The following PPP1CC variants were observed in gnomAD, a reference collection of about 807,000 sequenced individuals.
The protein encoded by PPP1CC is protein phosphatase 1 catalytic subunit gamma, also known as serine/threonine-protein phosphatase PP1-gamma catalytic subunit.
In PPP1CC, 16 loss-of-function variants were observed where a neutral mutation model predicts 38.4. The observed-to-expected ratio is 0.42, with a 90% confidence interval of 0.28 to 0.63. The LOEUF is 0.63. Among genes scored for constraint, PPP1CC ranks in the 30% least tolerant of loss-of-function variants. The pLI is 0.25. For missense variants in PPP1CC, 170 were observed against 391.3 expected, an observed-to-expected ratio of 0.43 and a Z score of 4.77; for synonymous variants, 158 against 136.0, an observed-to-expected ratio of 1.16 and a Z score of -1.13.
At chr12:110,723,542 C>T (rs1289558638) in intron 4 of PPP1CC, among the ~76,000 whole-genome samples, 1 of 152,164 alleles carries the variant, frequency 6.6e-6, no homozygotes, top group Non-Finnish European at 1.5e-5. Flanking sequence ...TAGGGTCTTG[C>T]TCTGTTGCCT....
the PPP1CC span, among the ~76,000 whole-genome samples, chr12:110,710,545 C>T: frequency 1.3e-5 from 2 of 151,112 alleles, no homozygotes; most frequent in East Asian, 1.9e-4. Flanking sequence ...GGTGAAACCC[C>T]ATCTCTACTA....
chr12:110,734,287 A>G (rs534437542), intron 1 of PPP1CC, among the ~76,000 whole-genome samples: 6 of 152,222 alleles, frequency 3.9e-5, no homozygotes, highest in East Asian at 1.9e-4. Flanking sequence ...TGAAATCTGG[A>G]TAAGTCTTTA....
At chr12:110,710,450 G>T in the PPP1CC span, among the ~76,000 whole-genome samples, 11 of 147,960 alleles carry the variant, frequency 7.4e-5, no homozygotes, top group African/African-American at 2.6e-4. Flanking sequence ...TGGGTGCGGT[G>T]GCTCACACCT....
At chr12:110,731,604 A>G (rs2069872983) in intron 2 of PPP1CC, among the ~76,000 whole-genome samples, 166 bp downstream of exon 2, 1 of 152,154 alleles carries the variant, frequency 6.6e-6, no homozygotes, top group Admixed American at 6.5e-5. Context: ...AACTAAGTCC[A>G]TTAGAGGTAT....
At chr12:110,732,243 A>G in intron 1 of PPP1CC, 1 of 382,012 alleles carries the variant, frequency 2.6e-6, no homozygotes, top group Non-Finnish European at 4.7e-6. Context: ...GATCATGATG[A>G]GGTCAAGAGA....
the PPP1CC span, among the ~76,000 whole-genome samples, chr12:110,708,713 G>A: frequency 6.6e-6 from 1 of 152,026 alleles, no homozygotes; most frequent in Non-Finnish European, 1.5e-5. Context: ...GCCGGGCATG[G>A]TGGCAGACAC....
chr12:110,732,213 T>A, intron 1 of PPP1CC: 1 of 438,990 alleles, frequency 2.3e-6, no homozygotes, highest in South Asian at 4.7e-5. Context: ...TCCCAGCACT[T>A]TGGGAGGGTG....
chr12:110,709,282 T>A, the PPP1CC span, among the ~76,000 whole-genome samples: 1 of 151,928 alleles, frequency 6.6e-6, no homozygotes, highest in Non-Finnish European at 1.5e-5. Context: ...CAGGCTGGAG[T>A]GCAGTATCGC....
At chr12:110,719,428 C>T (rs1362507355), downstream of PPP1CC, among the ~76,000 whole-genome samples, 2 of 152,196 alleles carry the variant, frequency 1.3e-5, no homozygotes, top group African/African-American at 4.8e-5. Context: ...ATGACATGCT[C>T]TTCACTCATT....
chr12:110,727,612 T>TAAAAAAAAAAA (rs60861001), intron 3 of PPP1CC, among the ~76,000 whole-genome samples: 1 of 133,406 alleles, frequency 7.5e-6, no homozygotes, highest in African/African-American at 2.7e-5. Flanking sequence ...TTTACAAAGT[T>TAAAAAAAAAAA]AAAAAAAAAA....
At chr12:110,731,427 C>G (rs1171571418) in intron 2 of PPP1CC, among the ~76,000 whole-genome samples, 1 of 152,110 alleles carries the variant, frequency 6.6e-6, no homozygotes, top group African/African-American at 2.4e-5. Context: ...CAAGGAAGTT[C>G]TATTTTTAGC....
At chr12:110,710,435 T>TTTTTGTTTTGAAAAACAAAAATA in the PPP1CC span, among the ~76,000 whole-genome samples, 1 of 137,740 alleles carries the variant, frequency 7.3e-6, no homozygotes, top group Admixed American at 7.0e-5. Context: ...AAACAAAAAT[T>TTTTTGTTTTGAAAAACAAAAATA]AGGCTGGGTG....
intron 3 of PPP1CC, chr12:110,725,479 C>A (rs180825348): frequency 6.6e-6 from 1 of 152,506 alleles, no homozygotes; most frequent in East Asian, 1.9e-4. Flanking sequence ...ACAGGCACTA[C>A]AGGGCATTTG....
At chr12:110,719,239 G>A (rs1227111699), downstream of PPP1CC, among the ~76,000 whole-genome samples, 1 of 152,070 alleles carries the variant, frequency 6.6e-6, no homozygotes, top group Non-Finnish European at 1.5e-5. Flanking sequence ...AGGTAATGAG[G>A]TCCCCCTTCC....
chr12:110,725,004 G>A, intron 3 of PPP1CC: 1 of 304,524 alleles, frequency 3.3e-6, no homozygotes, highest in Non-Finnish European at 6.3e-6. Context: ...TAGGAGGATG[G>A]CTTGAGCCCA....
intron 6 of PPP1CC, 73 bp from the exon 7 acceptor site, chr12:110,721,238 C>T: frequency 7.6e-7 from 1 of 1,314,328 alleles, no homozygotes; most frequent in Non-Finnish European, 1.1e-6. Flanking sequence ...AAATTTCATT[C>T]AGATCTTCTG....
At chr12:110,714,740 A>T (rs182856982), downstream of PPP1CC, among the ~76,000 whole-genome samples, 91 of 131,522 alleles carry the variant, frequency 6.9e-4, 1 homozygote, top group African/African-American at 2.5e-3. Context: ...CGGGAGGTGG[A>T]GCTTGCAATG....
At chr12:110,723,960 C>T (rs562186500) in intron 4 of PPP1CC, among the ~76,000 whole-genome samples, 8 of 152,140 alleles carry the variant, frequency 5.3e-5, no homozygotes, top group Non-Finnish European at 8.8e-5. Flanking sequence ...ACTCTTCTGC[C>T]GGGCGTGGTG....
chr12:110,716,204 A>G (rs1255892252), downstream of PPP1CC, among the ~76,000 whole-genome samples: 3 of 151,784 alleles, frequency 2.0e-5, no homozygotes, highest in Non-Finnish European at 2.9e-5. Context: ...AGATGCACTT[A>G]AAAGACTTGC....
Sources: gnomAD v4.1 joint callset for allele counts (sites outside exome capture counted in the v4.1 genomes callset) on GRCh38, gnomAD v4.1.1 for gene constraint, MANE v1.5 for transcripts, NCBI Gene and HGNC (gene_info 2026-07-23, HGNC 2026-07-21) for gene names.